Variants in PTPRT observed in about 807,000 individuals in gnomAD.
PTPRT encodes the protein protein tyrosine phosphatase receptor type T, also known as receptor-type tyrosine-protein phosphatase T.
A neutral mutation model predicts 176.8 loss-of-function variants in PTPRT; 56 were observed. The ratio of observed to expected loss-of-function variants is 0.32; its 90% CI spans 0.26 to 0.40. PTPRT has a LOEUF of 0.40. PTPRT is among the 10% of genes least tolerant of loss of function. The probability of loss-of-function intolerance (pLI) is 1.00; values close to 1 mark genes in which losing one functional copy is unlikely to be tolerated. For missense variants in PTPRT, 1,540 were observed against 1,908.2 expected (o/e 0.81, Z 3.60); for synonymous variants, 783 against 739.0 (o/e 1.06, Z -0.96).
At chr20:43,186,486 T>C (rs763329928) in intron 1 of PTPRT, among the ~76,000 whole-genome samples, 29 of 152,224 alleles carry the variant, frequency 1.9e-4, no homozygotes, top group Non-Finnish European at 1.3e-4. Context: ...GGGAGTATCC[T>C]GTGCTTGAAA....
chr20:42,610,017 T>G (rs1169463183), intron 7 of PTPRT, among the ~76,000 whole-genome samples: 2 of 152,188 alleles, frequency 1.3e-5, no homozygotes, highest in Admixed American at 1.3e-4. Flanking sequence ...AGAATTCAGA[T>G]GGGTGGCGGG....
intron 14 of PTPRT, among the ~76,000 whole-genome samples, chr20:42,244,014 G>C (rs147171923): frequency 6.6e-6 from 1 of 152,210 alleles, no homozygotes; most frequent in Non-Finnish European, 1.5e-5. Context: ...GGAGATGAAT[G>C]TTTCTGTAGA....
chr20:42,926,055 G>A (rs1002637920), intron 1 of PTPRT, among the ~76,000 whole-genome samples: 1 of 152,212 alleles, frequency 6.6e-6, no homozygotes, highest in African/African-American at 2.4e-5. Context: ...CCCTCTCAGG[G>A]GGTGTAGGCA....
chr20:42,671,855 T>C (rs1053608115), intron 7 of PTPRT, among the ~76,000 whole-genome samples: 1 of 152,148 alleles, frequency 6.6e-6, no homozygotes, highest in Admixed American at 6.5e-5. Context: ...GACACAGACT[T>C]AAATTGCTTT....
intron 1 of PTPRT, among the ~76,000 whole-genome samples, chr20:43,091,520 T>G (rs1269541362): frequency 7.7e-6 from 1 of 130,694 alleles, no homozygotes. Flanking sequence ...CCCCCTCTCT[T>G]TCTCTCTCTC....
At chr20:42,209,211 A>G (rs951429755) in intron 15 of PTPRT, among the ~76,000 whole-genome samples, 1 of 152,230 alleles carries the variant, frequency 6.6e-6, no homozygotes, top group Admixed American at 6.5e-5. Flanking sequence ...TCCAAAATTA[A>G]TACCCTAACA....
intron 9 of PTPRT, among the ~76,000 whole-genome samples, chr20:42,428,106 C>T (rs1156757101): frequency 6.6e-6 from 1 of 152,214 alleles, no homozygotes; most frequent in African/African-American, 2.4e-5. Flanking sequence ...ATGAAAACCA[C>T]TACATTGGGA....
At chr20:42,545,206 T>C (rs1029210827) in intron 7 of PTPRT, among the ~76,000 whole-genome samples, 1 of 152,244 alleles carries the variant, frequency 6.6e-6, no homozygotes, top group African/African-American at 2.4e-5. Flanking sequence ...TAAACTCTGC[T>C]GGACTTTTAC....
rs757576860 is a variant in PTPRT, at chr20:42,756,632, C to A, written c.689G>T (p.Trp230Leu). The change falls in exon 6 of 31, where the codon TGG becomes TTG. Residue 230 changes from tryptophan (W) to leucine (L), a missense_variant. This residue lies in a region of PTPRT where 273 missense variants were observed against 432.1 expected (regional missense o/e 0.63). Coordinates refer to ENST00000373187, the MANE Select transcript of PTPRT (RefSeq NM_007050.6). ...CATCAGGGCCGTGTCCCTGCCATTC[C>A]ATTGCTGCAGAACAGAGGAAGAGAG... ...SQHDKLWLQQ[W>L]NGRDTALMVT... 1 of 1,586,502 alleles carries A rather than the reference C, an allele frequency of 6.3e-7. No individual in the cohort carries two copies. Among genetic ancestry groups the A allele is most frequent in the East Asian group, 2.3e-5 (1 of 44,308 alleles).
intron 9 of PTPRT, among the ~76,000 whole-genome samples, chr20:42,429,215 C>G (rs1183235489): frequency 6.6e-6 from 1 of 152,136 alleles, no homozygotes; most frequent in Non-Finnish European, 1.5e-5. Flanking sequence ...ATGATAAGCA[C>G]TCTCAGTGAT....
At chr20:43,032,021 G>A (rs1986158164) in intron 1 of PTPRT, among the ~76,000 whole-genome samples, 2 of 152,184 alleles carry the variant, frequency 1.3e-5, no homozygotes, top group African/African-American at 4.8e-5. Flanking sequence ...ATTTGGGGCA[G>A]AACGGCCAGA....
intron 7 of PTPRT, among the ~76,000 whole-genome samples, chr20:42,558,372 G>A (rs116017553): frequency 6.6e-6 from 1 of 152,116 alleles, no homozygotes; most frequent in Non-Finnish European, 1.5e-5. Context: ...GTCTACCATT[G>A]TTGGGCATTT....
intron 7 of PTPRT, among the ~76,000 whole-genome samples, chr20:42,490,034 T>A (rs1200403652): frequency 6.6e-6 from 1 of 152,214 alleles, no homozygotes; most frequent in African/African-American, 2.4e-5. Context: ...GCCATCTCTA[T>A]CACACATGAA....
chr20:42,109,936 G>T (rs1011451808), intron 23 of PTPRT, among the ~76,000 whole-genome samples: 1 of 152,106 alleles, frequency 6.6e-6, no homozygotes, highest in Non-Finnish European at 1.5e-5. Context: ...CACTGGGCAT[G>T]GGGGGGACAC....
intron 9 of PTPRT, among the ~76,000 whole-genome samples, chr20:42,370,558 C>A (rs1241466154): frequency 6.6e-6 from 1 of 152,148 alleles, no homozygotes; most frequent in Non-Finnish European, 1.5e-5. Context: ...AGCTTTGAGA[C>A]TTTGGGCAAG....
intron 1 of PTPRT, among the ~76,000 whole-genome samples, chr20:43,095,677 C>T (rs1184624283): frequency 6.7e-6 from 1 of 149,168 alleles, no homozygotes; most frequent in Non-Finnish European, 1.5e-5. Flanking sequence ...TCTCTCCCTT[C>T]TCCCTGCCCT....
At chr20:42,995,859 T>C (rs1337721295) in intron 1 of PTPRT, among the ~76,000 whole-genome samples, 1 of 152,214 alleles carries the variant, frequency 6.6e-6, no homozygotes, top group East Asian at 1.9e-4. Context: ...TATCACTCTG[T>C]TGCCCAGGCT....
intron 1 of PTPRT, among the ~76,000 whole-genome samples, chr20:42,999,311 G>A (rs1984396687): frequency 6.6e-6 from 1 of 152,110 alleles, no homozygotes; most frequent in Non-Finnish European, 1.5e-5. Flanking sequence ...TTTCCACATG[G>A]CGGGATTATA....
At chr20:42,262,017 G>T (rs2056758492) in intron 13 of PTPRT, among the ~76,000 whole-genome samples, 2 of 152,200 alleles carry the variant, frequency 1.3e-5, no homozygotes, top group African/African-American at 4.8e-5. Flanking sequence ...AGACAGAGGA[G>T]CCAGTAAACA....
Sources: gnomAD v4.1 joint callset for allele counts (sites outside exome capture counted in the v4.1 genomes callset) on GRCh38, gnomAD v4.1.1 for gene constraint, gnomAD v4.1.1 regional missense constraint, MANE v1.5 for transcripts, NCBI Gene and HGNC (gene_info 2026-07-23, HGNC 2026-07-21) for gene names.